The following LANCL2 variants were observed in gnomAD, a reference collection of about 807,000 sequenced individuals.
The protein encoded by LANCL2 is lanC-like protein 2.
LANCL2 carries 33 observed loss-of-function variants against 56.9 expected under a neutral mutation model. The observed-to-expected ratio is 0.58, with a 90% CI of 0.44 to 0.78. LANCL2 has a LOEUF of 0.78. LANCL2 is among the 30% of genes least tolerant of loss of function. The pLI is 0.00. For missense variants in LANCL2, 562 were observed against 580.2 expected (o/e 0.97, Z 0.32); for synonymous variants, 233 against 228.2 (o/e 1.02, Z -0.19).
rs1789890238 is a variant in LANCL2, at chr7:55,367,622, G to C, written c.204+1393G>C. Among the ~76,000 whole-genome samples, 3 of 152,178 alleles carry C rather than the reference G, an allele frequency of 2.0e-5. No homozygotes were observed. In the South Asian group the frequency reaches 6.2e-4, roughly 31 times the overall value. ...TGGACGCCTGTTCAGCTACTCAGGA[G>C]GCCGAGGTATGAGAATCGCTTGAGC... On this transcript the variant is annotated intron_variant, in intron 1 of 8. Coordinates refer to ENST00000254770, the MANE Select transcript of LANCL2 (RefSeq NM_018697.4).
chr7:55,371,102 T>C (rs971518181), intron 1 of LANCL2, among the ~76,000 whole-genome samples: 2 of 152,238 alleles, frequency 1.3e-5, no homozygotes, highest in African/African-American at 4.8e-5. Flanking sequence ...GTAGTTTTCA[T>C]GTTGTGCCTT....
intron 1 of LANCL2, among the ~76,000 whole-genome samples, chr7:55,385,279 C>A (rs144558914): frequency 6.6e-6 from 1 of 152,066 alleles, no homozygotes; most frequent in Non-Finnish European, 1.5e-5. Flanking sequence ...CAAGAATTTA[C>A]CAAGACAGTT....
rs993325863 is a variant in LANCL2, at chr7:55,431,628, C to A, written c.*308C>A. On this transcript the variant is annotated 3_prime_UTR_variant, in exon 9 of 9. Transcript: ENST00000254770. ...TCTATTCCTGAGGGCTCAGAGCTGA[C>A]CATGCATGAATGTATGGCAGTGTCC... 3.4e-6 allele frequency: 1 copy of A among 291,034 alleles called. No homozygotes were observed. Among genetic ancestry groups the A allele is most frequent in the Non-Finnish European group, 6.4e-6 (1 of 155,988 alleles). 18.0% of individuals were successfully genotyped at this position (291,034 alleles called of 1,614,324 possible).
At chr7:55,419,745 A>C (rs1421868231) in intron 6 of LANCL2, among the ~76,000 whole-genome samples, 1 of 152,140 alleles carries the variant, frequency 6.6e-6, no homozygotes, top group Non-Finnish European at 1.5e-5. Context: ...TCTCTCTCTC[A>C]TCAGTCTAGA....
At chr7:55,414,983 CA>C (rs372708498) in intron 6 of LANCL2, among the ~76,000 whole-genome samples, 35 of 62,246 alleles carry the variant, frequency 5.6e-4, no homozygotes, top group South Asian at 2.9e-3. Context: ...GACCCTACCT[CA>C]AAAAAAAAAA....
intron 2 of LANCL2, among the ~76,000 whole-genome samples, chr7:55,394,277 G>A (rs562637309): frequency 4.6e-5 from 7 of 152,262 alleles, no homozygotes; most frequent in East Asian, 1.9e-4. Flanking sequence ...CTGTGTATAC[G>A]ATATAGGAAG....
intron 1 of LANCL2, among the ~76,000 whole-genome samples, chr7:55,383,461 A>G (rs981572067): frequency 6.6e-6 from 1 of 152,142 alleles, no homozygotes; most frequent in African/African-American, 2.4e-5. Context: ...GCCTTTTAAT[A>G]TGCAAATGTG....
chr7:55,400,486 G>T (rs1790309012), intron 4 of LANCL2, among the ~76,000 whole-genome samples: 1 of 152,126 alleles, frequency 6.6e-6, no homozygotes, highest in South Asian at 2.1e-4. Context: ...GGCTAGTTTA[G>T]CCCCTCAGCC....
intron 1 of LANCL2, among the ~76,000 whole-genome samples, chr7:55,383,586 T>C (rs1790092547): frequency 6.6e-6 from 1 of 152,202 alleles, no homozygotes; most frequent in Non-Finnish European, 1.5e-5. Flanking sequence ...CTTCAAGCCG[T>C]TTTTCTGCTA....
chr7:55,389,154 A>T (rs1328942382), intron 1 of LANCL2, among the ~76,000 whole-genome samples: 1 of 152,230 alleles, frequency 6.6e-6, no homozygotes, highest in African/African-American at 2.4e-5. Context: ...GCTGTGTTAC[A>T]CAAGAAAGTT....
chr7:55,382,282 G>T (rs1323213429), intron 1 of LANCL2, among the ~76,000 whole-genome samples: 1 of 152,106 alleles, frequency 6.6e-6, no homozygotes, highest in African/African-American at 2.4e-5. Flanking sequence ...GGAAATCTCA[G>T]TAGGGAAGTA....
At chr7:55,425,180 AGAAAGG>A in intron 6 of LANCL2, 68 bp from the exon 7 acceptor site, 1 of 1,466,468 alleles carries the variant, frequency 6.8e-7, no homozygotes. Context: ...TATTCTAACC[AGAAAGG>A]GAAAGTATTT....
chr7:55,370,048 A>G (rs1382514532), intron 1 of LANCL2, among the ~76,000 whole-genome samples: 1 of 152,220 alleles, frequency 6.6e-6, no homozygotes, highest in Non-Finnish European at 1.5e-5. Context: ...GTTCTGGCTC[A>G]CGGTCTCTGG....
At chr7:55,429,890 T>C (rs1367552766) in intron 8 of LANCL2, among the ~76,000 whole-genome samples, 2 of 152,262 alleles carry the variant, frequency 1.3e-5, no homozygotes, top group African/African-American at 4.8e-5. Context: ...TCTCACCAAA[T>C]TCCCGTCAGG....
At chr7:55,399,063 C>T (rs1366012845) in intron 3 of LANCL2, among the ~76,000 whole-genome samples, 1 of 152,058 alleles carries the variant, frequency 6.6e-6, no homozygotes, top group African/African-American at 2.4e-5. Context: ...CGGTTCATTC[C>T]TAGGGTCTGG....
chr7:55,381,695 A>G (rs550944481), intron 1 of LANCL2, among the ~76,000 whole-genome samples: 3 of 152,374 alleles, frequency 2.0e-5, no homozygotes, highest in Non-Finnish European at 2.9e-5. Flanking sequence ...CAAATTAACA[A>G]GAGAAAAACA....
chr7:55,368,353 A>C (rs1193496629), intron 1 of LANCL2, among the ~76,000 whole-genome samples: 1 of 152,234 alleles, frequency 6.6e-6, no homozygotes, highest in Non-Finnish European at 1.5e-5. Context: ...TCTGCAATGA[A>C]ATGTAAGTTG....
In LANCL2 at chr7:55,432,682, G is replaced by C. The variant is rs755222177; in HGVS notation, c.*1362G>C. On this transcript the variant is annotated 3_prime_UTR_variant, in exon 9 of 9. Transcript: ENST00000254770. ...CACACCTCTCAGAAAAGAGAAAAAA[G>C]AATGTCAGTTTAGGAGAAAAGCTTC... The C allele has an allele frequency of 6.6e-6, 1 of 152,202 alleles. No homozygotes were observed. The highest frequency in any genetic ancestry group is 1.5e-5 in the Non-Finnish European group (1 of 68,042). 9.4% of individuals were successfully genotyped at this position (152,202 alleles called of 1,614,324 possible).
At chr7:55,384,791 C>G (rs761859092) in intron 1 of LANCL2, among the ~76,000 whole-genome samples, 5 of 152,080 alleles carry the variant, frequency 3.3e-5, no homozygotes, top group Non-Finnish European at 7.4e-5. Context: ...AAACTAGTAT[C>G]CAGAATTCTT....
Sources: gnomAD v4.1 joint callset for allele counts (sites outside exome capture counted in the v4.1 genomes callset) on GRCh38, gnomAD v4.1.1 for gene constraint, MANE v1.5 for transcripts, NCBI Gene and HGNC (gene_info 2026-07-23, HGNC 2026-07-21) for gene names.